The following ERBB4 variants were observed in gnomAD, a reference collection of about 807,000 sequenced individuals.
The protein encoded by ERBB4 is receptor tyrosine-protein kinase erbB-4.
In ERBB4, 42 loss-of-function variants were observed where a neutral mutation model predicts 158.0. That is an observed-to-expected ratio of 0.27 (90% confidence interval 0.21 to 0.34). ERBB4 has a LOEUF of 0.34. ERBB4 is among the 10% of genes least tolerant of loss of function. The pLI is 1.00. For missense variants in ERBB4, 1,333 were observed against 1,624.1 expected, an observed-to-expected ratio of 0.82 and a Z score of 3.08; for synonymous variants, 583 against 558.7, an observed-to-expected ratio of 1.04 and a Z score of -0.61.
chr2:212,421,104 A>G (rs2091781781), intron 1 of ERBB4, among the ~76,000 whole-genome samples: 1 of 152,170 alleles, frequency 6.6e-6, no homozygotes, highest in South Asian at 2.1e-4. Flanking sequence ...AAGCCTAAAC[A>G]TAATTCATCA....
intron 1 of ERBB4, among the ~76,000 whole-genome samples, chr2:212,133,272 A>G (rs1376157803): frequency 1.3e-5 from 2 of 152,094 alleles, no homozygotes; most frequent in Non-Finnish European, 2.9e-5. Flanking sequence ...CTTATAGCCT[A>G]TAAGAACTTG....
At chr2:211,390,792 G>C (rs2062783673) in intron 25 of ERBB4, among the ~76,000 whole-genome samples, 1 of 152,178 alleles carries the variant, frequency 6.6e-6, no homozygotes, top group African/African-American at 2.4e-5. Context: ...TAGCATCACA[G>C]TAATAGGAGC....
intron 3 of ERBB4, among the ~76,000 whole-genome samples, chr2:211,843,494 C>T (rs2077521477): frequency 6.6e-6 from 1 of 151,882 alleles, no homozygotes; most frequent in African/African-American, 2.4e-5. Flanking sequence ...ATACCACAGA[C>T]TGAGAAAGAT....
chr2:211,624,417 A>T (rs1195184379), intron 17 of ERBB4, among the ~76,000 whole-genome samples: 1 of 152,140 alleles, frequency 6.6e-6, no homozygotes, highest in African/African-American at 2.4e-5. Context: ...GGGGAAAAAA[A>T]CGCACAATGC....
At position 211,630,618 on chromosome 2, in the gene ERBB4, A is replaced by T. The variant is rs568158397; in HGVS notation, c.1947-24T>A. The stretch of plus-strand genomic sequence containing the variant: ...TTCTGACAACCAGAATGAGAAAAAA[A>T]AAAATAAAAAGTATGAAGAGAGAGA... On this transcript the variant is annotated intron_variant, in intron 16 of 27. Coordinates refer to ENST00000342788, the MANE Select transcript of ERBB4 (RefSeq NM_005235.3). The T allele has an allele frequency of 3.5e-5, 54 of 1,537,292 alleles. 1 individual carries two copies. Among genetic ancestry groups the T allele is most frequent in the South Asian group, 2.7e-4 (24 of 89,360 alleles).
At chr2:211,438,230 A>C (rs962478829) in intron 20 of ERBB4, among the ~76,000 whole-genome samples, 3 of 152,232 alleles carry the variant, frequency 2.0e-5, no homozygotes, top group African/African-American at 4.8e-5. Context: ...TTTTTATTCC[A>C]TGATAGATGA....
chr2:212,536,721 A>G (rs1390427384), intron 1 of ERBB4, among the ~76,000 whole-genome samples: 1 of 152,182 alleles, frequency 6.6e-6, no homozygotes, highest in Non-Finnish European at 1.5e-5. Context: ...TCGGAGCCGC[A>G]CAGTTAATAC....
intron 19 of ERBB4, among the ~76,000 whole-genome samples, chr2:211,577,867 C>A (rs762060339): frequency 5.7e-4 from 86 of 152,132 alleles, no homozygotes; most frequent in Non-Finnish European, 5.9e-4. Context: ...ACCAAATGGG[C>A]AAAATCTGGA....
At chr2:211,907,127 C>T (rs1253848685) in intron 3 of ERBB4, among the ~76,000 whole-genome samples, 1 of 151,760 alleles carries the variant, frequency 6.6e-6, no homozygotes, top group South Asian at 2.1e-4. Context: ...GTCAATATAT[C>T]TTGGGGTCTC....
intron 1 of ERBB4, among the ~76,000 whole-genome samples, chr2:212,250,637 A>C (rs1240371340): frequency 7.9e-5 from 12 of 152,004 alleles, no homozygotes; most frequent in Non-Finnish European, 1.3e-4. Context: ...AATAACATTC[A>C]ATCTAAATTC....
At chr2:212,060,791 C>T (rs1037627839) in intron 2 of ERBB4, among the ~76,000 whole-genome samples, 1 of 149,114 alleles carries the variant, frequency 6.7e-6, no homozygotes, top group Non-Finnish European at 1.5e-5. Context: ...AGGGGAACAT[C>T]ACACACCGGG....
chr2:211,474,322 CTAT>C (rs1016524621), intron 20 of ERBB4, among the ~76,000 whole-genome samples: 1 of 151,770 alleles, frequency 6.6e-6, no homozygotes. Flanking sequence ...TTCTCCAAAC[CTAT>C]TATTATCTAT....
At chr2:211,549,534 G>A (rs1013148798) in intron 20 of ERBB4, among the ~76,000 whole-genome samples, 2 of 152,088 alleles carry the variant, frequency 1.3e-5, no homozygotes, top group Non-Finnish European at 2.9e-5. Context: ...ATAGGACTAT[G>A]CCCTAGCCAC....
chr2:212,463,266 C>T (rs1054192648), intron 1 of ERBB4, among the ~76,000 whole-genome samples: 18 of 151,924 alleles, frequency 1.2e-4, no homozygotes, highest in African/African-American at 3.4e-4. Context: ...ATTTTCCCAA[C>T]GCAAAGAAAG....
intron 2 of ERBB4, among the ~76,000 whole-genome samples, chr2:211,994,703 G>T (rs1280163527): frequency 6.6e-6 from 1 of 152,074 alleles, no homozygotes; most frequent in East Asian, 1.9e-4. Flanking sequence ...CTAGACGTGA[G>T]TTGTACCTAT....
At chr2:211,668,324 T>G (rs940453795) in intron 14 of ERBB4, among the ~76,000 whole-genome samples, 1 of 152,076 alleles carries the variant, frequency 6.6e-6, no homozygotes, top group African/African-American at 2.4e-5. Flanking sequence ...TCCTGGCAAA[T>G]CTCAGAAAAA....
intron 1 of ERBB4, among the ~76,000 whole-genome samples, chr2:212,457,985 C>A (rs926388046): frequency 3.3e-5 from 5 of 151,846 alleles, no homozygotes; most frequent in Non-Finnish European, 7.4e-5. Flanking sequence ...TTATGATACA[C>A]AAAGTATTCA....
At chr2:212,430,448 T>C (rs2092002472) in intron 1 of ERBB4, among the ~76,000 whole-genome samples, 1 of 106,360 alleles carries the variant, frequency 9.4e-6, no homozygotes, top group Non-Finnish European at 2.4e-5. Context: ...TTTTTTTTTT[T>C]TCTTTTCTTT....
At chr2:211,424,385 C>T (rs2063580447) in intron 22 of ERBB4, 84 bp from the exon 23 acceptor site, 1 of 925,034 alleles carries the variant, frequency 1.1e-6, no homozygotes, top group Non-Finnish European at 1.7e-6. Context: ...TAAAAGAATA[C>T]TCCTTACAGG....
Sources: gnomAD v4.1 joint callset for allele counts (sites outside exome capture counted in the v4.1 genomes callset) on GRCh38, gnomAD v4.1.1 for gene constraint, MANE v1.5 for transcripts, NCBI Gene and HGNC (gene_info 2026-07-23, HGNC 2026-07-21) for gene names.